ZFHX4: variants seen among roughly 807,000 people sequenced by gnomAD.
ZFHX4 encodes the protein zinc finger homeobox 4.
In ZFHX4, 56 loss-of-function variants were observed where a neutral mutation model predicts 267.6. The observed-to-expected ratio is 0.21, with a 90% CI of 0.17 to 0.26. ZFHX4 has a LOEUF of 0.26. Ranked by LOEUF, ZFHX4 falls within the 10% of genes least tolerant of loss-of-function variation. The pLI is 1.00. For missense variants in ZFHX4, 4,332 were observed against 4,420.0 expected, an observed-to-expected ratio of 0.98 and a Z score of 0.56; for synonymous variants, 1,778 against 1,665.6, an observed-to-expected ratio of 1.07 and a Z score of -1.64.
intron 3 of ZFHX4, among the ~76,000 whole-genome samples, chr8:76,743,241 G>A (rs1000650307): frequency 2.6e-5 from 4 of 152,164 alleles, no homozygotes; most frequent in Admixed American, 1.3e-4. Context: ...CTCTTATGAG[G>A]TTCTAATCTT....
rs752558846 is a variant in ZFHX4 at position 76,855,179 on chromosome 8, C to T, written c.8258C>T (p.Ser2753Leu). 3 of 1,613,452 alleles carry T rather than the reference C, an allele frequency of 1.9e-6. No homozygotes were observed. Among genetic ancestry groups the T allele is most frequent in the East Asian group, 2.2e-5 (1 of 44,820 alleles). ...GAGAATGAATTGGCTTCTACAGTGT[C>T]AACACCTGTTAGTAAAACAGCAGAG... ...SSENELASTVSTPVSKTAELS... is the reference protein window; with the variant it reads ...SSENELASTVLTPVSKTAELS... Residue 2753 changes from serine to leucine, a missense_variant, in exon 10 of 11, where the codon TCA becomes TTA. Physicochemically the swap from Ser to Leu is moderately radical, Grantham distance 145. Coordinates refer to ENST00000651372, the MANE Select transcript of ZFHX4 (RefSeq NM_024721.5).
At chr8:76,762,142 C>T (rs1449205577) in intron 3 of ZFHX4, among the ~76,000 whole-genome samples, 1 of 152,106 alleles carries the variant, frequency 6.6e-6, no homozygotes, top group Non-Finnish European at 1.5e-5. Context: ...ACACCATCCC[C>T]ACTAGTGCTA....
intron 4 of ZFHX4, among the ~76,000 whole-genome samples, chr8:76,791,284 C>A (rs962114664): frequency 6.6e-6 from 1 of 152,094 alleles, no homozygotes; most frequent in Non-Finnish European, 1.5e-5. Flanking sequence ...ATTCTGGCCA[C>A]TTTGGGTGTC....
chr8:76,786,226 T>TA (rs1280921136), intron 4 of ZFHX4, among the ~76,000 whole-genome samples: 11 of 151,716 alleles, frequency 7.3e-5, no homozygotes, highest in Non-Finnish European at 1.0e-4. Flanking sequence ...ACAGAACTTT[T>TA]AAAAAAAAGC....
rs1438647494 is a variant in ZFHX4, at chr8:76,864,617, A to T, written c.*52A>T. The T allele has an allele frequency of 1.5e-6, 2 of 1,300,882 alleles. No individual in the cohort carries two copies. Among genetic ancestry groups the T allele is most frequent in the East Asian group, 5.2e-5 (2 of 38,230 alleles). The allele number at this position is 1,300,882 out of a possible 1,614,324, so 80.6% of individuals were successfully genotyped here. A position where few individuals can be genotyped will look rare whatever the true frequency, so the allele number is the denominator to read the frequency against. On this transcript the variant is annotated 3_prime_UTR_variant, in exon 11 of 11. Transcript: ENST00000651372. ...AAAAATAAAAAATAAAAAAATAAAA[A>T]AAAAATAAGACTTTAACTGCAGTTC...
intron 6 of ZFHX4, among the ~76,000 whole-genome samples, chr8:76,848,427 C>G (rs1812419177): frequency 6.6e-6 from 1 of 152,170 alleles, no homozygotes; most frequent in South Asian, 2.1e-4. Context: ...GTACAGCCAA[C>G]TGCTGAAATA....
intron 1 of ZFHX4, among the ~76,000 whole-genome samples, chr8:76,686,077 G>A (rs1444436046): frequency 6.6e-6 from 1 of 152,192 alleles, no homozygotes; most frequent in Non-Finnish European, 1.5e-5. Context: ...AAGGCCTACT[G>A]TCTATCATTT....
At chr8:76,836,872 A>G (rs1189107101) in intron 5 of ZFHX4, among the ~76,000 whole-genome samples, 2 of 152,182 alleles carry the variant, frequency 1.3e-5, no homozygotes, top group African/African-American at 4.8e-5. Flanking sequence ...AGATGGATTC[A>G]GTATACATTA....
At position 76,854,947 on chromosome 8, in the gene ZFHX4, C is replaced by A; in HGVS notation, c.8026C>A (p.Arg2676=). 1 of 1,613,938 alleles carries A rather than the reference C, an allele frequency of 6.2e-7. No homozygotes were observed. The change falls in exon 10 of 11, where the codon CGG becomes AGG. Residue 2676 remains arginine (R), a synonymous_variant. Transcript: ENST00000651372. The part of the protein sequence containing the change: ...RAVGPAQSHK[R]CPFCRALFKA... ...GGTGGGTCCAGCACAGTCTCATAAA[C>A]GGTGTCCGTTTTGCCGAGCCCTGTT...
At chr8:76,686,748 T>C (rs79588878) in intron 1 of ZFHX4, among the ~76,000 whole-genome samples, 5,126 of 152,294 alleles carry the variant, frequency 0.034, 239 homozygotes, top group East Asian at 0.24. Flanking sequence ...TTTGAGAAGA[T>C]ACTCGTTATG....
rs1175054055 is a variant in ZFHX4, at chr8:76,704,613, G to C, written c.525G>C (p.Glu175Asp). The C allele has an allele frequency of 3.1e-6, 5 of 1,614,034 alleles. No individual in the cohort carries two copies. Among genetic ancestry groups the C allele is most frequent in the Non-Finnish European group, 3.4e-6 (4 of 1,179,904 alleles). ...TGGACTCCCTGGCATCTGCTGGAGAGAAGAGTGATCAGTCTGCTTCTGCAC... is the reference window on the plus strand; with the variant it reads ...TGGACTCCCTGGCATCTGCTGGAGACAAGAGTGATCAGTCTGCTTCTGCAC... ...MFLDSLASAG[E>D]KSDQSASAPM... The change falls in exon 2 of 11, where the codon GAG becomes GAC. Residue 175 changes from glutamate (E) to aspartate (D), a missense_variant. Physicochemically the swap from Glu to Asp is conservative, Grantham distance 45. Coordinates refer to ENST00000651372, the MANE Select transcript of ZFHX4 (RefSeq NM_024721.5).
Position 76,705,500 on chromosome 8 carries a change from A to G in ZFHX4, c.1412A>G (p.Asp471Gly), listed in dbSNP as rs752035977. Residue 471 changes from aspartate to glycine, a missense_variant, in exon 2 of 11, where the codon GAT becomes GGT. Coordinates refer to ENST00000651372, the MANE Select transcript of ZFHX4 (RefSeq NM_024721.5). ...AAAAGTGAACCCACTGAACCGGGAG[A>G]TGAGGATGAAGAAGATGCGTACTCC... ...PVKSEPTEPG[D>G]EDEEDAYSNE... The G allele has an allele frequency of 1.2e-6, 2 of 1,613,628 alleles. No homozygotes were observed. The highest frequency in any genetic ancestry group is 8.5e-7 in the Non-Finnish European group (1 of 1,179,794).
chr8:76,851,338 A>T lies in ZFHX4; in HGVS notation c.4417A>T (p.Ser1473Cys). 1 of 1,613,780 alleles carries T rather than the reference A, an allele frequency of 6.2e-7. No homozygotes were observed. Among genetic ancestry groups the T allele is most frequent in the South Asian group, 1.1e-5 (1 of 91,048 alleles). Residue 1473 changes from serine (S) to cysteine (C), a missense_variant, in exon 10 of 11, where the codon AGC becomes TGC. This residue lies in a region of ZFHX4 where 1,371 missense variants were observed against 1,423.1 expected (regional missense o/e 0.96). Coordinates refer to ENST00000651372, the MANE Select transcript of ZFHX4 (RefSeq NM_024721.5). ...CGTGAATGGAGAACTGTGGGCAGAG[A>T]GCGAAACTATGTCCCAGGATGACCA... Reference protein sequence around the residue: ...LPVNGELWAESETMSQDDHGL... With the variant: ...LPVNGELWAECETMSQDDHGL...
At chr8:76,833,237 A>C (rs926407203) in intron 4 of ZFHX4, 101 bp from the exon 5 acceptor site, 1 of 839,422 alleles carries the variant, frequency 1.2e-6, no homozygotes. Context: ...CCTGATACTT[A>C]TCTCTCCTGA....
At chr8:76,685,421 C>T (rs4143528) in intron 1 of ZFHX4, among the ~76,000 whole-genome samples, 5,700 of 152,094 alleles carry the variant, frequency 0.037, 252 homozygotes, top group East Asian at 0.22. Context: ...TTTCATAGAC[C>T]GTTTTAGGAT....
intron 4 of ZFHX4, among the ~76,000 whole-genome samples, chr8:76,830,018 C>T (rs1411112849): frequency 6.6e-6 from 1 of 152,068 alleles, no homozygotes; most frequent in Non-Finnish European, 1.5e-5. Context: ...AACTATAGTT[C>T]AATGTATCAT....
chr8:76,719,558 G>A (rs1480548867), intron 3 of ZFHX4, among the ~76,000 whole-genome samples: 2 of 152,050 alleles, frequency 1.3e-5, no homozygotes, highest in African/African-American at 4.8e-5. Context: ...CAACCTTGGA[G>A]TAGATATGCT....
intron 4 of ZFHX4, among the ~76,000 whole-genome samples, chr8:76,789,527 T>G (rs1810780077): frequency 6.6e-6 from 1 of 152,186 alleles, no homozygotes; most frequent in Non-Finnish European, 1.5e-5. Flanking sequence ...ACAGTACATT[T>G]AGCATTTAAC....
At chr8:76,719,982 A>C (rs1026754150) in intron 3 of ZFHX4, among the ~76,000 whole-genome samples, 1 of 152,094 alleles carries the variant, frequency 6.6e-6, no homozygotes, top group Non-Finnish European at 1.5e-5. Context: ...CCTCCACTTC[A>C]TTTTTTTATT....
Sources: allele counts gnomAD v4.1 joint callset (sites outside exome capture counted in the v4.1 genomes callset), GRCh38; gene constraint gnomAD v4.1.1; regional missense constraint gnomAD v4.1.1; transcripts MANE v1.5; gene names NCBI Gene and HGNC (gene_info 2026-07-23, HGNC 2026-07-21).